The following CHST1 variants were observed in gnomAD, a reference collection of about 807,000 sequenced individuals.
CHST1 encodes the protein Keratan sulfotransferase.
A neutral mutation model predicts 22.5 loss-of-function variants in CHST1; 10 were observed. The observed-to-expected ratio is 0.44, with a 90% CI of 0.27 to 0.75. CHST1 has a LOEUF of 0.75. Ranked by LOEUF, CHST1 falls within the 30% of genes least tolerant of loss-of-function variation. CHST1 has a pLI of 0.15. For synonymous variants in CHST1, 267 were observed against 264.5 expected (o/e 1.01, Z -0.09); for missense variants, 439 against 576.1 (o/e 0.76, Z 2.44).
chr11:45,653,609 G>A (rs1427429711), intron 1 of CHST1, among the ~76,000 whole-genome samples: 3 of 152,046 alleles, frequency 2.0e-5, no homozygotes, highest in Non-Finnish European at 4.4e-5. Flanking sequence ...GACAGGGAAT[G>A]TCATCAATAA....
intron 1 of CHST1, among the ~76,000 whole-genome samples, chr11:45,664,511 G>A (rs1039159203): frequency 6.6e-6 from 1 of 152,224 alleles, no homozygotes; most frequent in Non-Finnish European, 1.5e-5. Flanking sequence ...TTAACGCCCA[G>A]CATCCCAGCT....
intron 1 of CHST1, among the ~76,000 whole-genome samples, chr11:45,653,702 A>G (rs1433576952): frequency 6.6e-6 from 1 of 152,158 alleles, no homozygotes; most frequent in African/African-American, 2.4e-5. Context: ...CTTCCTTTGT[A>G]TTTATTCACA....
At position 45,649,607 on chromosome 11, in the gene CHST1, T is replaced by C; in HGVS notation, c.*81A>G. 7.2e-7 allele frequency: 1 copy of C among 1,382,278 alleles called. No homozygotes were observed. Among genetic ancestry groups the C allele is most frequent in the East Asian group, 2.3e-5 (1 of 42,756 alleles). The allele number at this position is 1,382,278 out of a possible 1,614,324, so 85.6% of individuals were successfully genotyped here. A position where few individuals can be genotyped will look rare whatever the true frequency, so the allele number is the denominator to read the frequency against. The stretch of plus-strand genomic sequence containing the variant: ...GAAGATGAGGTGGGAGAGGGAGGGG[T>C]TAATAAGGCAACAGTTAAAAACGGT... On this transcript the variant is annotated 3_prime_UTR_variant, in exon 4 of 4. Transcript: ENST00000308064.
In CHST1 at chr11:45,650,219, G is replaced by A; in HGVS notation, c.705C>T (p.Asp235=). The A allele has an allele frequency of 6.2e-7, 1 of 1,610,254 alleles. No homozygotes were observed. Among genetic ancestry groups the A allele is most frequent in the Non-Finnish European group, 8.5e-7 (1 of 1,179,944 alleles). The change falls in exon 4 of 4, where the codon GAC becomes GAT. Residue 235 remains aspartate, a synonymous_variant. Transcript: ENST00000308064. The part of the protein sequence containing the change: ...LNLKVIQLVR[D]PRGILASRSE... Reference sequence around the variant, plus strand: ...TGCGCGAAGCCAGAATGCCGCGGGGGTCTCGGACCAGCTGGATGACCTTGA... The same window carrying A: ...TGCGCGAAGCCAGAATGCCGCGGGGATCTCGGACCAGCTGGATGACCTTGA...
intron 1 of CHST1, among the ~76,000 whole-genome samples, chr11:45,656,718 A>T (rs1057142115): frequency 2.7e-5 from 2 of 75,276 alleles, no homozygotes; most frequent in East Asian, 4.1e-4. Context: ...TGTGCCTCCC[A>T]CCCTCCCCCC....
In CHST1 at chr11:45,647,868, C is replaced by T. The variant is rs1851937347; in HGVS notation, c.*1820G>A. Reference sequence around the variant, plus strand: ...GAGCTGTTGAACTGTCTACATCCTCCTGACACATATAAAATAGCCCAGGAC... The same window carrying T: ...GAGCTGTTGAACTGTCTACATCCTCTTGACACATATAAAATAGCCCAGGAC... On this transcript the variant is annotated 3_prime_UTR_variant, in exon 4 of 4. Coordinates refer to ENST00000308064, the MANE Select transcript of CHST1 (RefSeq NM_003654.6). Among the ~76,000 whole-genome samples the T allele has an allele frequency of 6.6e-6, 1 of 152,216 alleles. No homozygotes were observed. The highest frequency in any genetic ancestry group is 2.4e-5 in the African/African-American group (1 of 41,454).
intron 1 of CHST1, among the ~76,000 whole-genome samples, chr11:45,659,960 C>A: frequency 6.6e-6 from 1 of 152,192 alleles, no homozygotes; most frequent in Non-Finnish European, 1.5e-5. Flanking sequence ...GCCAGTGAGG[C>A]TCACCCTGTC....
At chr11:45,654,963 G>A (rs1590690534) in intron 1 of CHST1, among the ~76,000 whole-genome samples, 1 of 152,170 alleles carries the variant, frequency 6.6e-6, no homozygotes, top group South Asian at 2.1e-4. Flanking sequence ...CTGTCCCTGA[G>A]CCTCAGTTTC....
intron 3 of CHST1, chr11:45,651,185 G>A (rs113579757): frequency 6.5e-5 from 25 of 383,580 alleles, no homozygotes; most frequent in Non-Finnish European, 1.1e-4. Context: ...TGCACCCCAG[G>A]ATTTAACCTG....
At chr11:45,655,511 C>T (rs1852051260) in intron 1 of CHST1, among the ~76,000 whole-genome samples, 1 of 152,252 alleles carries the variant, frequency 6.6e-6, no homozygotes, top group South Asian at 2.1e-4. Context: ...CTGTTGGCTA[C>T]AACCTGATGT....
At position 45,649,979 on chromosome 11, in the gene CHST1, C is replaced by G. The variant is rs550777641; in HGVS notation, c.945G>C (p.Glu315Asp). The change falls in exon 4 of 4, where the codon GAG becomes GAC. Residue 315 changes from glutamate to aspartate, a missense_variant. Transcript: ENST00000308064. The stretch of plus-strand genomic sequence containing the variant: ...GCGGGATGCCCAGGAACCCGTAGAT[C>G]TCCTCGGTCTTCTTCATAGGGTTCC... ...LARNPMKKTEEIYGFLGIPLD... is the reference protein window; with the variant it reads ...LARNPMKKTEDIYGFLGIPLD... 2 of 1,613,978 alleles carry G rather than the reference C, an allele frequency of 1.2e-6. No homozygotes were observed. Among genetic ancestry groups the G allele is most frequent in the South Asian group, 2.2e-5 (2 of 91,088 alleles).
chr11:45,650,135 T>A lies in CHST1; in HGVS notation c.789A>T (p.Lys263Asn). ...LWRLWYGTGR[K>N]PYNLDVTQLT... ...GCTGCGTCACGTCCAGGTTGTAGGG[T>A]TTCCTCCCGGTGCCGTACCAGAGCC... The change falls in exon 4 of 4, where the codon AAA (lysine) becomes AAT (asparagine). Residue 263 changes from lysine (K) to asparagine (N), a missense_variant. Coordinates refer to ENST00000308064, the MANE Select transcript of CHST1 (RefSeq NM_003654.6). The A allele has an allele frequency of 1.2e-6, 2 of 1,613,786 alleles. No homozygotes were observed. The highest frequency in any genetic ancestry group is 1.7e-6 in the Non-Finnish European group (2 of 1,179,996).
intron 3 of CHST1, 150 bp downstream of exon 3, chr11:45,651,843 G>A (rs1442029114): frequency 6.6e-6 from 1 of 152,318 alleles, no homozygotes; most frequent in African/African-American, 2.4e-5. Flanking sequence ...TGGAGAAGCA[G>A]AAAGAGCGAA....
intron 1 of CHST1, among the ~76,000 whole-genome samples, chr11:45,663,004 C>T (rs1197078357): frequency 6.6e-6 from 1 of 152,204 alleles, no homozygotes; most frequent in African/African-American, 2.4e-5. Context: ...ACAGCCGCTA[C>T]ACCGAGTCCT....
At chr11:45,660,078 T>C (rs370111536) in intron 1 of CHST1, among the ~76,000 whole-genome samples, 47 of 152,346 alleles carry the variant, frequency 3.1e-4, no homozygotes, top group African/African-American at 1.1e-3. Flanking sequence ...GGGACCTCCA[T>C]TGTAGAACAC....
Position 45,648,525 on chromosome 11 carries a change from TCCAAA to T in CHST1, c.*1158_*1162del, listed in dbSNP as rs1202210792. On this transcript the variant is annotated 3_prime_UTR_variant, in exon 4 of 4. Coordinates refer to ENST00000308064, the MANE Select transcript of CHST1 (RefSeq NM_003654.6). ...CGGTGAAACCCCGTCTCTACTAAAATCCAAAAAAAAAAAAAAATAGCCAGGTGTGG... is the reference window on the plus strand; with the variant it reads ...CGGTGAAACCCCGTCTCTACTAAAATAAAAAAAAAAAATAGCCAGGTGTGG... Among the ~76,000 whole-genome samples the T allele has an allele frequency of 8.7e-5, 11 of 126,830 alleles. No individual in the cohort carries two copies. Among genetic ancestry groups the T allele is most frequent in the African/African-American group, 3.0e-4 (9 of 30,344 alleles). The allele number at this position is 126,830 out of a possible 152,430, so 83.2% of individuals were successfully genotyped here. A position where few individuals can be genotyped will look rare whatever the true frequency, so the allele number is the denominator to read the frequency against.
chr11:45,649,496 G>A lies in CHST1; in HGVS notation c.*192C>T. 1 of 612,556 alleles carries A rather than the reference G, an allele frequency of 1.6e-6. No individual in the cohort carries two copies. 37.9% of individuals were successfully genotyped at this position (612,556 alleles called of 1,614,324 possible). A position where few individuals can be genotyped will look rare whatever the true frequency, so the allele number is the denominator to read the frequency against. ...CCTACTTCAGGCGCCCTCTGCCCCA[G>A]TGATTCCCGTCCAAGACGTAGTGCA... On this transcript the variant is annotated 3_prime_UTR_variant, in exon 4 of 4. Transcript: ENST00000308064.
rs1324986979 is a variant in CHST1 at position 45,650,837 on chromosome 11, C to G, written c.87G>C (p.Lys29Asn). Residue 29 changes from lysine to asparagine, a missense_variant, in exon 4 of 4, where the codon AAG becomes AAC. By Grantham distance (94) the Lys-to-Asn change is moderately conservative. Coordinates refer to ENST00000308064, the MANE Select transcript of CHST1 (RefSeq NM_003654.6). ...CCAGCCCGGGGCAGGTGTGAAAGGA[C>G]TTGGCGGTGAAGGTGCGGATGGCCG... is the stretch of plus-strand genomic sequence containing the variant. ...QYTAIRTFTA[K>N]SFHTCPGLAE... is the part of the protein sequence containing the mutation. 6.2e-7 allele frequency: 1 copy of G among 1,604,310 alleles called. No individual in the cohort carries two copies.
intron 1 of CHST1, among the ~76,000 whole-genome samples, chr11:45,658,958 C>G (rs1373039408): frequency 6.6e-6 from 1 of 152,224 alleles, no homozygotes; most frequent in Admixed American, 6.5e-5. Flanking sequence ...AGGGGCCCGC[C>G]TGTCTCTGGA....
Sources: allele counts gnomAD v4.1 joint callset (sites outside exome capture counted in the v4.1 genomes callset), GRCh38; gene constraint gnomAD v4.1.1; transcripts MANE v1.5; gene names NCBI Gene and HGNC (gene_info 2026-07-23, HGNC 2026-07-21).